The following MYLK variants were observed in gnomAD, a reference collection of about 807,000 sequenced individuals.
The protein encoded by MYLK is myosin light chain kinase.
MYLK carries 106 observed loss-of-function variants against 203.4 expected under a neutral mutation model. The observed-to-expected ratio is 0.52, with a 90% CI of 0.45 to 0.61. MYLK has a LOEUF of 0.61. Among genes scored for constraint, MYLK ranks in the 20% least tolerant of loss-of-function variants. The pLI is 0.00. For missense variants in MYLK, 2,072 were observed against 2,442.3 expected, an observed-to-expected ratio of 0.85 and a Z score of 3.20; for synonymous variants, 867 against 959.5, an observed-to-expected ratio of 0.90 and a Z score of 1.78.
chr3:123,794,561 C>G (rs2064915341), intron 3 of MYLK, among the ~76,000 whole-genome samples: 1 of 152,074 alleles, frequency 6.6e-6, no homozygotes, highest in South Asian at 2.1e-4. Context: ...TCACTTGCCC[C>G]AGGAGACAGA....
At chr3:123,707,526 A>C (rs2061507698) in intron 16 of MYLK, among the ~76,000 whole-genome samples, 1 of 152,234 alleles carries the variant, frequency 6.6e-6, no homozygotes, top group African/African-American at 2.4e-5. Flanking sequence ...ATGTAACAAG[A>C]CAGGATTCTG....
At position 123,682,208 on chromosome 3, in the gene MYLK, C is replaced by A. The variant is rs1199089866; in HGVS notation, c.3652+16G>T. The A allele has an allele frequency of 6.3e-7, 1 of 1,588,584 alleles. No homozygotes were observed. The highest frequency in any genetic ancestry group is 8.6e-7 in the Non-Finnish European group (1 of 1,166,102). On this transcript the variant is annotated intron_variant, in intron 20 of 33. Coordinates refer to ENST00000360304, the MANE Select transcript of MYLK (RefSeq NM_053025.4). The stretch of plus-strand genomic sequence containing the variant: ...CTGCCTCTGCCTCTGCCTGGTGAAG[C>A]TGGGCGAGTACTCACTCTCAGTTCC...
chr3:123,686,794 CG>C (rs1286794234), intron 19 of MYLK, among the ~76,000 whole-genome samples: 1 of 152,134 alleles, frequency 6.6e-6, no homozygotes, highest in Non-Finnish European at 1.5e-5. Flanking sequence ...CATGTATGCA[CG>C]GTGCTAAGTA....
chr3:123,775,601 A>T (rs1388062007), intron 4 of MYLK, among the ~76,000 whole-genome samples: 1 of 152,192 alleles, frequency 6.6e-6, no homozygotes, highest in Non-Finnish European at 1.5e-5. Flanking sequence ...AGCCCAGTGA[A>T]GACAAATTGA....
At chr3:123,875,112 C>T (rs866653280) in intron 2 of MYLK, among the ~76,000 whole-genome samples, 11 of 152,114 alleles carry the variant, frequency 7.2e-5, no homozygotes, top group African/African-American at 2.7e-4. Flanking sequence ...AACCCCAATC[C>T]TAGATATTTA....
intron 2 of MYLK, among the ~76,000 whole-genome samples, chr3:123,842,362 T>C (rs1374518628): frequency 6.6e-6 from 1 of 151,916 alleles, no homozygotes; most frequent in Non-Finnish European, 1.5e-5. Context: ...GAAATGGGGG[T>C]CTAGTAACTA....
chr3:123,818,926 A>G (rs1174788499), intron 3 of MYLK, among the ~76,000 whole-genome samples: 1 of 152,196 alleles, frequency 6.6e-6, no homozygotes, highest in East Asian at 1.9e-4. Context: ...TAAGAAGTAC[A>G]TAATACATAC....
chr3:123,708,913 G>C lies in MYLK; in HGVS notation c.1943-18C>G, dbSNP rs2108644013. ...TGGATTCCCTGAACCAGGAGGAGGG[G>C]AAGGGGGATTGGTTAGGGAGGTCCT... is the stretch of plus-strand genomic sequence containing the variant. On this transcript the variant is annotated intron_variant, in intron 14 of 33. Coordinates refer to ENST00000360304, the MANE Select transcript of MYLK (RefSeq NM_053025.4). The C allele has an allele frequency of 6.2e-7, 1 of 1,612,442 alleles. No individual in the cohort carries two copies. The highest frequency in any genetic ancestry group is 1.3e-5 in the African/African-American group (1 of 75,026).
intron 3 of MYLK, 175 bp downstream of exon 3, chr3:123,831,373 C>A: frequency 1.6e-6 from 2 of 1,289,240 alleles, no homozygotes; most frequent in African/African-American, 1.5e-5. Context: ...GACAATGCTA[C>A]AGCATACTGC....
intron 14 of MYLK, 123 bp downstream of exon 14, chr3:123,709,633 A>C: frequency 2.3e-6 from 3 of 1,302,068 alleles, no homozygotes; most frequent in Non-Finnish European, 3.3e-6. Flanking sequence ...TGGGTCCATC[A>C]CCTGATGGTC....
At chr3:123,861,807 A>G (rs2031949861) in intron 2 of MYLK, among the ~76,000 whole-genome samples, 1 of 152,180 alleles carries the variant, frequency 6.6e-6, no homozygotes, top group Non-Finnish European at 1.5e-5. Context: ...CAAAATGTCA[A>G]TCCTACAAAC....
chr3:123,817,952 C>A (rs1263594314), intron 3 of MYLK, among the ~76,000 whole-genome samples: 3 of 152,140 alleles, frequency 2.0e-5, no homozygotes, highest in African/African-American at 7.2e-5. Flanking sequence ...GGTCAGCTCT[C>A]TTAGGAAAGG....
chr3:123,739,022 T>C lies in MYLK; in HGVS notation c.463A>G (p.Ile155Val), dbSNP rs368775754. 5.0e-6 allele frequency: 8 copies of C among 1,613,824 alleles called. No individual in the cohort carries two copies. Among genetic ancestry groups the C allele is most frequent in the East Asian group, 4.5e-5 (2 of 44,872 alleles). Residue 155 changes from isoleucine to valine, a missense_variant, in exon 7 of 34, where the codon ATC becomes GTC. This residue lies in a region of MYLK where 683 missense variants were observed against 643.8 expected (regional missense o/e 1.06). Transcript: ENST00000360304. ...AACTTTGGTGGGCACTCCCCCCAGATGCTAGGACGGGTCTCCACTGCTGGA... is the reference window on the plus strand; with the variant it reads ...AACTTTGGTGGGCACTCCCCCCAGACGCTAGGACGGGTCTCCACTGCTGGA... Reference protein sequence around the residue: ...SAPAVETRPSIWGECPPKFAT... With the variant: ...SAPAVETRPSVWGECPPKFAT...
chr3:123,861,635 C>T (rs1168587833), intron 2 of MYLK, among the ~76,000 whole-genome samples: 1 of 152,214 alleles, frequency 6.6e-6, no homozygotes, highest in African/African-American at 2.4e-5. Context: ...GCATATACCA[C>T]ATACCTCTTT....
At chr3:123,666,066 C>T (rs2059722816) in intron 22 of MYLK, among the ~76,000 whole-genome samples, 153 bp downstream of exon 22, 1 of 152,198 alleles carries the variant, frequency 6.6e-6, no homozygotes, top group African/African-American at 2.4e-5. Flanking sequence ...TCAGGTTTGG[C>T]AGGTGAGCGA....
chr3:123,649,997 C>G (rs1183648614), intron 24 of MYLK, among the ~76,000 whole-genome samples: 1 of 152,170 alleles, frequency 6.6e-6, no homozygotes, highest in Non-Finnish European at 1.5e-5. Flanking sequence ...CACAGTCATG[C>G]CAGCTGCTCC....
chr3:123,622,863 T>C (rs1021326318), intron 31 of MYLK: 2 of 152,250 alleles, frequency 1.3e-5, no homozygotes, highest in Non-Finnish European at 2.9e-5. Flanking sequence ...CTTTGGAAAT[T>C]TTTGGAACAT....
chr3:123,705,828 G>A (rs577961938), intron 16 of MYLK, among the ~76,000 whole-genome samples: 112 of 152,138 alleles, frequency 7.4e-4, no homozygotes, highest in African/African-American at 2.5e-3. Context: ...CCCCAAACAA[G>A]CTCATCTCCT....
chr3:123,640,927 C>G lies in MYLK; in HGVS notation c.4620-423G>C, dbSNP rs1034058758. 6.6e-6 allele frequency among the ~76,000 whole-genome samples: 1 copy of G among 152,218 alleles called. No homozygotes were observed. Among genetic ancestry groups the G allele is most frequent in the African/African-American group, 2.4e-5 (1 of 41,462 alleles). On this transcript the variant is annotated intron_variant, in intron 27 of 33. Transcript: ENST00000360304. The surrounding 1 kb of genome is among the most constrained non-coding windows in gnomAD (Gnocchi z 4.3). Reference sequence around the variant, plus strand: ...ACTCAAGTTCAAAATACTCACAGTTCCCACAAGCATTTGTTCTGCATAGCC... The same window carrying G: ...ACTCAAGTTCAAAATACTCACAGTTGCCACAAGCATTTGTTCTGCATAGCC...
Sources: allele counts gnomAD v4.1 joint callset (sites outside exome capture counted in the v4.1 genomes callset), GRCh38; gene constraint gnomAD v4.1.1; regional missense constraint gnomAD v4.1.1; non-coding constraint Gnocchi (gnomAD v3.1); transcripts MANE v1.5; gene names NCBI Gene and HGNC (gene_info 2026-07-23, HGNC 2026-07-21).